The following SUMF1 variants were observed in gnomAD, a reference collection of about 807,000 sequenced individuals.
SUMF1 encodes the protein sulfatase modifying factor 1.
Under a neutral mutation model 47.6 loss-of-function variants are expected in SUMF1, and 48 were observed. The ratio of observed to expected loss-of-function variants is 1.01; its 90% CI spans 0.80 to 1.28. The LOEUF (loss-of-function observed/expected upper bound fraction) is 1.28. SUMF1 is among the 50% of genes most tolerant of loss of function. The pLI, the probability that SUMF1 is intolerant of heterozygous loss-of-function variation, is 0.00. For synonymous variants in SUMF1, 230 were observed against 192.1 expected, an observed-to-expected ratio of 1.20 and a Z score of -1.63; for missense variants, 571 against 485.4, an observed-to-expected ratio of 1.18 and a Z score of -1.66.
At chr3:4,202,578 T>A (rs995384196) in intron 8 of SUMF1, among the ~76,000 whole-genome samples, 1 of 152,050 alleles carries the variant, frequency 6.6e-6, no homozygotes, top group African/African-American at 2.4e-5. Context: ...CAAATGGCTT[T>A]GGCTATTTTG....
chr3:4,409,464 A>G (rs1248359320), intron 7 of SUMF1, among the ~76,000 whole-genome samples: 1 of 152,200 alleles, frequency 6.6e-6, no homozygotes, highest in Non-Finnish European at 1.5e-5. Flanking sequence ...CTGAAAGCTA[A>G]CAAGCGCTCA....
At position 4,401,576 on chromosome 3, in the gene SUMF1, C is replaced by T. The variant is rs115267465; in HGVS notation, c.954+9289G>A. Among the ~76,000 whole-genome samples, 1,426 of 152,276 alleles carry T rather than the reference C, an allele frequency of 9.4e-3. 16 individuals are homozygous for T. Among genetic ancestry groups the T allele is most frequent in the African/African-American group, 0.03 (1,266 of 41,548 alleles). On this transcript the variant is annotated intron_variant, in intron 7 of 8. Coordinates refer to ENST00000272902, the MANE Select transcript of SUMF1 (RefSeq NM_182760.4). ...ATGGCTTGCTACATCCTCAGCACAA[C>T]TTACAGATGAAGCACTAAGCCTACA...
At chr3:4,407,006 T>C (rs1165799808) in intron 7 of SUMF1, among the ~76,000 whole-genome samples, 1 of 152,098 alleles carries the variant, frequency 6.6e-6, no homozygotes, top group Non-Finnish European at 1.5e-5. Flanking sequence ...ATCACAGCAC[T>C]GGCCATTTAC....
At chr3:4,235,433 CA>C (rs1696386180) in intron 8 of SUMF1, among the ~76,000 whole-genome samples, 1 of 151,926 alleles carries the variant, frequency 6.6e-6, no homozygotes, top group South Asian at 2.1e-4. Flanking sequence ...ACCAGCATAT[CA>C]AAGGCAAAAT....
chr3:4,235,299 T>G (rs887179486), intron 8 of SUMF1, among the ~76,000 whole-genome samples: 4 of 152,132 alleles, frequency 2.6e-5, no homozygotes, highest in Admixed American at 2.6e-4. Flanking sequence ...GTGCCATCCA[T>G]TGTCATGTGG....
intron 7 of SUMF1, among the ~76,000 whole-genome samples, chr3:4,398,700 A>T (rs968245176): frequency 3.3e-5 from 5 of 152,218 alleles, no homozygotes; most frequent in African/African-American, 1.2e-4. Context: ...CTGATTTAAA[A>T]TCTCAAGAGA....
chr3:4,128,804 CAT>C (rs1693718382), intron 8 of SUMF1, among the ~76,000 whole-genome samples: 1 of 152,080 alleles, frequency 6.6e-6, no homozygotes, highest in South Asian at 2.1e-4. Context: ...GTGGAAGGAA[CAT>C]AGAGTTGGAT....
intron 8 of SUMF1, among the ~76,000 whole-genome samples, chr3:4,212,612 C>A (rs953443482): frequency 2.0e-5 from 3 of 152,076 alleles, no homozygotes; most frequent in Non-Finnish European, 4.4e-5. Context: ...ACAAACTCCT[C>A]TGAGCTAAAG....
chr3:4,103,724 A>G (rs1351251213), intron 8 of SUMF1, among the ~76,000 whole-genome samples: 3 of 152,104 alleles, frequency 2.0e-5, no homozygotes, highest in African/African-American at 7.3e-5. Context: ...CAGAACATAA[A>G]TCACATAATC....
intron 8 of SUMF1, among the ~76,000 whole-genome samples, chr3:4,312,591 G>C (rs1698449399): frequency 6.6e-6 from 1 of 151,746 alleles, no homozygotes; most frequent in Non-Finnish European, 1.5e-5. Flanking sequence ...CCCACTTGTA[G>C]CTGTAGCAGC....
At chr3:4,455,379 A>G (rs1703121519) in intron 1 of SUMF1, among the ~76,000 whole-genome samples, 1 of 152,270 alleles carries the variant, frequency 6.6e-6, no homozygotes, top group Admixed American at 6.5e-5. Flanking sequence ...AAAAAGTAGA[A>G]AATCTGAACA....
At chr3:4,358,754 C>G (rs1382098617), downstream of SUMF1, among the ~76,000 whole-genome samples, 3 of 152,262 alleles carry the variant, frequency 2.0e-5, no homozygotes, top group East Asian at 5.8e-4. Flanking sequence ...AAAGACACTG[C>G]CCACCTTAAA....
chr3:4,349,590 C>G (rs1315150402), intron 8 of SUMF1, among the ~76,000 whole-genome samples: 1 of 152,154 alleles, frequency 6.6e-6, no homozygotes. Context: ...AACCCAAATG[C>G]CCATCAATGG....
Position 4,466,977 on chromosome 3 carries a change from T to G in SUMF1, c.269A>C (p.Lys90Thr), listed in dbSNP as rs1392256975. 4 of 1,604,570 alleles carry G rather than the reference T, an allele frequency of 2.5e-6. No individual in the cohort carries two copies. Among genetic ancestry groups the G allele is most frequent in the African/African-American group, 2.7e-5 (2 of 74,878 alleles). The change falls in exon 1 of 9, where the codon AAG becomes ACG. Residue 90 changes from lysine to threonine, a missense_variant and splice_region_variant. Lys to Thr is a moderately conservative substitution (Grantham distance 78). Transcript: ENST00000272902. The part of the protein sequence containing the change: ...VPGERQLAHS[K>T]MVPIPAGVFT... ...GCCTCGGAGGAATCGATGGAGCACCTTTGAGTGCGCGAGTTGCCGCTCTCC... is the reference window on the plus strand; with the variant it reads ...GCCTCGGAGGAATCGATGGAGCACCGTTGAGTGCGCGAGTTGCCGCTCTCC...
At chr3:4,412,395 T>C (rs1701572681) in intron 6 of SUMF1, among the ~76,000 whole-genome samples, 1 of 152,192 alleles carries the variant, frequency 6.6e-6, no homozygotes, top group South Asian at 2.1e-4. Context: ...AGTAGAGTTG[T>C]CTGGGCAGAT....
intron 8 of SUMF1, among the ~76,000 whole-genome samples, chr3:4,365,733 T>C (rs1175576226): frequency 6.7e-6 from 1 of 148,884 alleles, no homozygotes; most frequent in African/African-American, 2.5e-5. Flanking sequence ...GTTAATATTG[T>C]TATGTGTGAA....
chr3:4,163,857 A>C (rs1694639307), intron 8 of SUMF1, among the ~76,000 whole-genome samples: 3 of 152,134 alleles, frequency 2.0e-5, no homozygotes, highest in Admixed American at 1.3e-4. Flanking sequence ...TTTTCTATGA[A>C]TTACCTTGGA....
intron 7 of SUMF1, among the ~76,000 whole-genome samples, chr3:4,386,186 G>A (rs1313803001): frequency 6.6e-6 from 1 of 152,092 alleles, no homozygotes; most frequent in Non-Finnish European, 1.5e-5. Context: ...GATTTTGATA[G>A]GAATTACATT....
At chr3:4,293,764 C>A (rs1250884230) in intron 8 of SUMF1, among the ~76,000 whole-genome samples, 1 of 152,076 alleles carries the variant, frequency 6.6e-6, no homozygotes, top group Admixed American at 6.5e-5. Context: ...TTTTCAAAGC[C>A]CAAGAGCACA....
Sources: gnomAD v4.1 joint callset for allele counts (sites outside exome capture counted in the v4.1 genomes callset) on GRCh38, gnomAD v4.1.1 for gene constraint, MANE v1.5 for transcripts, NCBI Gene and HGNC (gene_info 2026-07-23, HGNC 2026-07-21) for gene names.